Variants in ZBTB34 observed in about 807,000 individuals in gnomAD.
ZBTB34 encodes the protein zinc finger and BTB domain containing 34, also known as zinc finger and BTB domain-containing protein 34.
Under a neutral mutation model 33.4 loss-of-function variants are expected in ZBTB34, and 1 was observed. The ratio of observed to expected loss-of-function variants is 0.03; its 90% confidence interval spans 0.01 to 0.14. The LOEUF is 0.14. Ranked by LOEUF, ZBTB34 falls within the 10% of genes least tolerant of loss-of-function variation. The pLI is 1.00. For synonymous variants in ZBTB34, 283 were observed against 253.5 expected (o/e 1.12, Z -1.11); for missense variants, 406 against 657.2 (o/e 0.62, Z 4.18).
intron 1 of ZBTB34, among the ~76,000 whole-genome samples, chr9:126,864,244 C>T (rs1402695896): frequency 6.6e-6 from 1 of 152,292 alleles, no homozygotes; most frequent in East Asian, 1.9e-4. Context: ...GGGTAAGTTT[C>T]TCAGCCTCTC....
chr9:126,864,922 C>T (rs1421921428), intron 1 of ZBTB34, among the ~76,000 whole-genome samples: 3 of 152,158 alleles, frequency 2.0e-5, no homozygotes, highest in Non-Finnish European at 4.4e-5. Context: ...GTTTCCAGTG[C>T]CTGCCAGAGA....
Position 126,880,517 on chromosome 9 carries a change from A to G in ZBTB34, c.1118A>G (p.Asn373Ser), listed in dbSNP as rs1260512414. 3.1e-6 allele frequency: 5 copies of G among 1,613,764 alleles called. No homozygotes were observed. Among genetic ancestry groups the G allele is most frequent in the South Asian group, 1.1e-5 (1 of 91,090 alleles). Residue 373 changes from asparagine (N) to serine (S), a missense_variant, in exon 2 of 2, where the codon AAT (asparagine) becomes AGT (serine). By Grantham distance (46) the Asn-to-Ser change is conservative. This residue lies in a region of ZBTB34 where 123 missense variants were observed against 140.4 expected (regional missense o/e 0.88). Transcript: ENST00000319119. This position sits in a 1 kb window ranked among gnomAD's most constrained non-coding sequence, Gnocchi z 6.7. ...GCGAGAGGGCATTGGTACCCGTACA[A>G]TGAGAGGTTGATCTGTATTTACTGT...
intron 1 of ZBTB34, among the ~76,000 whole-genome samples, chr9:126,873,486 A>C (rs2033308570): frequency 6.6e-6 from 1 of 151,920 alleles, no homozygotes; most frequent in South Asian, 2.1e-4. Flanking sequence ...CTGGTCTCGA[A>C]CTCCTGAGCT....
In ZBTB34 at chr9:126,880,960, A is replaced by G; in HGVS notation, c.*46A>G. The G allele has an allele frequency of 6.5e-7, 1 of 1,527,704 alleles. No individual in the cohort carries two copies. Among genetic ancestry groups the G allele is most frequent in the Non-Finnish European group, 8.8e-7 (1 of 1,131,926 alleles). The allele number at this position is 1,527,704 out of a possible 1,614,324, so 94.6% of individuals were successfully genotyped here. A position where few individuals can be genotyped will look rare whatever the true frequency, so the allele number is the denominator to read the frequency against. On this transcript the variant is annotated 3_prime_UTR_variant, in exon 2 of 2. Coordinates refer to ENST00000319119, the Ensembl canonical transcript of ZBTB34. This position sits in a 1 kb window ranked among gnomAD's most constrained non-coding sequence, Gnocchi z 6.7. ...AAACAAAGCACATTAATCAATGCAT[A>G]TTTGTGATTTGCTTTGTTGTAATCT...
At chr9:126,877,634 AGC>A (rs2033379255) in intron 1 of ZBTB34, among the ~76,000 whole-genome samples, 1 of 152,216 alleles carries the variant, frequency 6.6e-6, no homozygotes, top group African/African-American at 2.4e-5. Context: ...CGCAGCTGTG[AGC>A]GCTAGTAGAA....
rs1323476216 is a variant in ZBTB34 at position 126,880,158 on chromosome 9, C to T, written c.759C>T (p.Ser253=). Residue 253 remains serine (S), a synonymous_variant, in exon 2 of 2, where the codon AGC becomes AGT. Transcript: ENST00000319119. The surrounding 1 kb of genome is among the most constrained non-coding windows in gnomAD (Gnocchi z 6.7). Reference sequence around the variant, plus strand: ...CCGACCGGCCCAGCTGTTCCGACAGCTCCTCCCTGGGTGACGATGGGTACC... The same window carrying T: ...CCGACCGGCCCAGCTGTTCCGACAGTTCCTCCCTGGGTGACGATGGGTACC... The T allele has an allele frequency of 1.2e-6, 2 of 1,613,702 alleles. No homozygotes were observed. Among genetic ancestry groups the T allele is most frequent in the East Asian group, 2.2e-5 (1 of 44,896 alleles).
intron 1 of ZBTB34, among the ~76,000 whole-genome samples, chr9:126,877,235 GA>G (rs2119227686): frequency 6.6e-6 from 1 of 152,226 alleles, no homozygotes; most frequent in East Asian, 1.9e-4. Flanking sequence ...GAAAAGGTGA[GA>G]AAATTTCACA....
intron 1 of ZBTB34, among the ~76,000 whole-genome samples, chr9:126,866,422 C>A (rs925841056): frequency 6.6e-6 from 1 of 152,174 alleles, no homozygotes; most frequent in Non-Finnish European, 1.5e-5. Context: ...TTCCTTGTCC[C>A]TGAGCTGGGG....
chr9:126,862,761 A>G lies in ZBTB34; in HGVS notation c.-11+2022A>G, dbSNP rs183759715. 4.3e-4 allele frequency among the ~76,000 whole-genome samples: 66 copies of G among 151,800 alleles called. 1 individual carries two copies. The East Asian group carries it at 9.3e-3, about 21-fold the overall frequency. On this transcript the variant is annotated intron_variant, in intron 1 of 1. Coordinates refer to ENST00000319119, the Ensembl canonical transcript of ZBTB34. ...GGCTGTTGAACTTGTTCTTGTCCCA[A>G]CTGGAGTGGGAGTTTTTTTAAGGGC...
chr9:126,867,453 T>C (rs1473654347), intron 1 of ZBTB34, among the ~76,000 whole-genome samples: 4 of 150,714 alleles, frequency 2.7e-5, no homozygotes, highest in African/African-American at 9.7e-5. Context: ...TTTTCTTTTT[T>C]TTTTTTTTTT....
intron 1 of ZBTB34, among the ~76,000 whole-genome samples, chr9:126,871,464 G>A (rs374430106): frequency 1.3e-4 from 19 of 150,570 alleles, no homozygotes; most frequent in African/African-American, 4.6e-4. Flanking sequence ...CCAGGTTCAA[G>A]CAATTCTCCT....
At chr9:126,873,438 A>G (rs1349232858) in intron 1 of ZBTB34, among the ~76,000 whole-genome samples, 1 of 151,688 alleles carries the variant, frequency 6.6e-6, no homozygotes, top group Non-Finnish European at 1.5e-5. Context: ...TAATTTTTGT[A>G]TTTTTAGTAG....
chr9:126,869,551 G>A (rs927293201), intron 1 of ZBTB34, among the ~76,000 whole-genome samples: 2 of 152,094 alleles, frequency 1.3e-5, no homozygotes, highest in Admixed American at 6.6e-5. Flanking sequence ...GGCAGCAGGG[G>A]CAGTCATCCC....
Position 126,880,863 on chromosome 9 carries a change from G to C in ZBTB34, c.1464G>C (p.Met488Ile). The change falls in exon 2 of 2, where the codon ATG becomes ATC. Residue 488 changes from methionine (M) to isoleucine (I), a missense_variant. Met to Ile is a conservative substitution (Grantham distance 10). Around this residue, in one of 6 missense-constraint regions of ZBTB34, gnomAD observed 58 missense variants for 58.7 expected, o/e 0.99. Coordinates refer to ENST00000319119, the Ensembl canonical transcript of ZBTB34. This position sits in a 1 kb window ranked among gnomAD's most constrained non-coding sequence, Gnocchi z 6.7. ...AAAATGACGCATCGGCCTCAGAGAT[G>C]GGCCTAGATTCCCGGATGGAAATTC... 6.2e-7 allele frequency: 1 copy of C among 1,613,136 alleles called. No individual in the cohort carries two copies. The highest frequency in any genetic ancestry group is 8.5e-7 in the Non-Finnish European group (1 of 1,179,782).
exon 2 of ZBTB34, chr9:126,881,965 T>G (rs2033448063): frequency 6.0e-6 from 1 of 166,850 alleles, no homozygotes; most frequent in East Asian, 1.9e-4. Context: ...TTTTTGTTTT[T>G]GTTTTTTTTC....
At chr9:126,878,493 A>T (rs1224773348) in intron 1 of ZBTB34, among the ~76,000 whole-genome samples, 1 of 151,620 alleles carries the variant, frequency 6.6e-6, no homozygotes, top group Non-Finnish European at 1.5e-5. Context: ...AGTAATAATA[A>T]CTCTTCACTG....
intron 1 of ZBTB34, among the ~76,000 whole-genome samples, chr9:126,866,310 AC>A (rs1314550484): frequency 3.3e-5 from 5 of 152,084 alleles, no homozygotes; most frequent in African/African-American, 7.2e-5. Flanking sequence ...CCGAGTAGAC[AC>A]CATGCCTCAG....
At chr9:126,874,121 A>G (rs2033321455) in intron 1 of ZBTB34, among the ~76,000 whole-genome samples, 1 of 135,084 alleles carries the variant, frequency 7.4e-6, no homozygotes, top group African/African-American at 2.8e-5. Flanking sequence ...GGCTCACTGC[A>G]AGCTCCGTCC....
At chr9:126,874,518 T>C (rs538054005) in intron 1 of ZBTB34, among the ~76,000 whole-genome samples, 1 of 152,324 alleles carries the variant, frequency 6.6e-6, no homozygotes, top group South Asian at 2.1e-4. Flanking sequence ...TAGAGGTTAT[T>C]TTGGGGTATG....
Sources: gnomAD v4.1 joint callset for allele counts (sites outside exome capture counted in the v4.1 genomes callset) on GRCh38, gnomAD v4.1.1 for gene constraint, gnomAD v4.1.1 regional missense constraint, Gnocchi (gnomAD v3.1) non-coding constraint, MANE v1.5 for transcripts, NCBI Gene and HGNC (gene_info 2026-07-23, HGNC 2026-07-21) for gene names.